Variants in PHLDB2 observed in about 807,000 individuals in gnomAD.
PHLDB2 encodes pleckstrin homology-like domain family B member 2.
PHLDB2 carries 71 observed loss-of-function variants against 123.6 expected under a neutral mutation model. The ratio of observed to expected loss-of-function variants is 0.57; its 90% CI spans 0.47 to 0.70. The LOEUF is 0.70. Among genes scored for constraint, PHLDB2 ranks in the 30% least tolerant of loss-of-function variants. The probability of loss-of-function intolerance (pLI) is 0.00; values close to 1 mark genes in which losing one functional copy is unlikely to be tolerated. For synonymous variants in PHLDB2, 547 were observed against 541.6 expected (o/e 1.01, Z -0.14); for missense variants, 1,446 against 1,519.5 (o/e 0.95, Z 0.80).
At chr3:111,819,022 A>G (rs575149771) in intron 1 of PHLDB2, among the ~76,000 whole-genome samples, 1 of 152,310 alleles carries the variant, frequency 6.6e-6, no homozygotes, top group Non-Finnish European at 1.5e-5. Context: ...ATCCGAGATT[A>G]GAATGCCAGC....
chr3:111,905,601 C>T (rs1030975177), intron 2 of PHLDB2, among the ~76,000 whole-genome samples: 3 of 152,280 alleles, frequency 2.0e-5, no homozygotes, highest in East Asian at 1.9e-4. Flanking sequence ...AAGTGATCCA[C>T]CGCCTTGGTC....
intron 1 of PHLDB2, among the ~76,000 whole-genome samples, chr3:111,743,292 G>C (rs1384632642): frequency 1.3e-5 from 2 of 152,128 alleles, no homozygotes; most frequent in African/African-American, 4.8e-5. Context: ...CTAAAAGGTA[G>C]GAAAAAGAAT....
chr3:111,962,784 C>T (rs2071485048), intron 13 of PHLDB2, among the ~76,000 whole-genome samples: 1 of 152,020 alleles, frequency 6.6e-6, no homozygotes, highest in Non-Finnish European at 1.5e-5. Context: ...AAAAAATTAG[C>T]TGGGCATGGT....
intron 1 of PHLDB2, among the ~76,000 whole-genome samples, chr3:111,800,524 A>T (rs1006955703): frequency 6.6e-6 from 1 of 152,138 alleles, no homozygotes; most frequent in Admixed American, 6.5e-5. Context: ...CAAATGTCCT[A>T]ATTTCTTTTC....
chr3:111,920,533 T>C, intron 5 of PHLDB2, 114 bp downstream of exon 5: 5 of 1,285,642 alleles, frequency 3.9e-6, no homozygotes, highest in Non-Finnish European at 4.2e-6. Context: ...GTCATGTTCC[T>C]GGAGGCAGTG....
At chr3:111,779,188 C>T (rs148242145) in intron 1 of PHLDB2, among the ~76,000 whole-genome samples, 1 of 152,192 alleles carries the variant, frequency 6.6e-6, no homozygotes, top group African/African-American at 2.4e-5. Context: ...TATGACATTT[C>T]TGCTTCAGTT....
intron 16 of PHLDB2, among the ~76,000 whole-genome samples, chr3:111,971,607 G>A (rs551476354): frequency 1.6e-4 from 25 of 152,034 alleles, no homozygotes; most frequent in Non-Finnish European, 3.4e-4. Context: ...TTCTGTTTAC[G>A]GCCATCACCT....
chr3:111,850,960 C>G (rs578072629), intron 2 of PHLDB2, among the ~76,000 whole-genome samples: 55 of 151,922 alleles, frequency 3.6e-4, no homozygotes, highest in Non-Finnish European at 6.9e-4. Context: ...CTTTGGGAGG[C>G]CGAGTCAGGC....
intron 9 of PHLDB2, among the ~76,000 whole-genome samples, chr3:111,947,940 A>G (rs948972990): frequency 4.6e-5 from 7 of 152,156 alleles, no homozygotes; most frequent in Admixed American, 4.6e-4. Flanking sequence ...ATTTAACTCA[A>G]TTTCAGCTTT....
At chr3:111,893,498 G>T (rs918928422) in intron 2 of PHLDB2, among the ~76,000 whole-genome samples, 11 of 152,090 alleles carry the variant, frequency 7.2e-5, no homozygotes, top group African/African-American at 2.7e-4. Flanking sequence ...AGAAACAATG[G>T]CTCTCTTCCT....
chr3:111,881,260 A>G (rs1449475383), intron 1 of PHLDB2, among the ~76,000 whole-genome samples: 2 of 152,162 alleles, frequency 1.3e-5, no homozygotes, highest in Admixed American at 1.3e-4. Context: ...TCTCTGGTAC[A>G]TATCAGACAA....
At chr3:111,911,735 G>T in intron 2 of PHLDB2, 1 of 1,532,606 alleles carries the variant, frequency 6.5e-7, no homozygotes, top group East Asian at 2.4e-5. Flanking sequence ...GTGCGAGCTT[G>T]TAGGAACTAG....
chr3:111,919,222 T>C lies in PHLDB2; in HGVS notation c.1863+7T>C, dbSNP rs756326146. ...GGATGAGTCTTTCAGAGAGGTAAACTTTTTACCCTCTTCCCTTTTTTCTTT... is the reference window on the plus strand; with the variant it reads ...GGATGAGTCTTTCAGAGAGGTAAACCTTTTACCCTCTTCCCTTTTTTCTTT... On this transcript the variant is annotated splice_region_variant and intron_variant, in intron 4 of 17. Coordinates refer to ENST00000431670, the MANE Select transcript of PHLDB2 (RefSeq NM_001134438.2). 1 of 1,613,300 alleles carries C rather than the reference T, an allele frequency of 6.2e-7. No individual in the cohort carries two copies. Among genetic ancestry groups the C allele is most frequent in the South Asian group, 1.1e-5 (1 of 91,028 alleles).
intron 12 of PHLDB2, chr3:111,958,737 T>A: frequency 2.2e-6 from 1 of 455,950 alleles, no homozygotes; most frequent in Non-Finnish European, 4.4e-6. Flanking sequence ...TTTACTGTTT[T>A]AGTTGCTTTC....
intron 1 of PHLDB2, among the ~76,000 whole-genome samples, chr3:111,873,226 T>A (rs994482767): frequency 6.6e-6 from 1 of 152,230 alleles, no homozygotes; most frequent in African/African-American, 2.4e-5. Flanking sequence ...TCTGCTGTTA[T>A]ATTTTGTTTG....
chr3:111,760,005 C>T (rs1035238357), intron 1 of PHLDB2, among the ~76,000 whole-genome samples: 2 of 152,164 alleles, frequency 1.3e-5, no homozygotes, highest in Admixed American at 6.5e-5. Flanking sequence ...TGTCTTCATG[C>T]CTCTGTATTG....
chr3:111,856,407 G>A (rs1297516386), upstream of PHLDB2, among the ~76,000 whole-genome samples: 1 of 152,146 alleles, frequency 6.6e-6, no homozygotes, highest in Non-Finnish European at 1.5e-5. Context: ...ACTTCTCTGT[G>A]ATTCCTTTTT....
intron 2 of PHLDB2, among the ~76,000 whole-genome samples, chr3:111,910,969 AATAG>A (rs1214374898): frequency 2.6e-5 from 4 of 152,200 alleles, no homozygotes; most frequent in African/African-American, 9.7e-5. Flanking sequence ...GGGTGATAAG[AATAG>A]AGAGAAACAC....
intron 1 of PHLDB2, among the ~76,000 whole-genome samples, chr3:111,744,770 C>G (rs1350524518): frequency 6.6e-6 from 1 of 152,106 alleles, no homozygotes; most frequent in Non-Finnish European, 1.5e-5. Context: ...CTTAAAGAAA[C>G]GAGGATAACA....
Sources: gnomAD v4.1 joint callset for allele counts (sites outside exome capture counted in the v4.1 genomes callset) on GRCh38, gnomAD v4.1.1 for gene constraint, MANE v1.5 for transcripts, NCBI Gene and HGNC (gene_info 2026-07-23, HGNC 2026-07-21) for gene names.